BTD: variants seen among roughly 807,000 people sequenced by gnomAD.
BTD encodes biotinidase, also known as biocytinase.
In BTD, 13 loss-of-function variants were observed where a neutral mutation model predicts 17.7. The ratio of observed to expected loss-of-function variants is 0.74; its 90% confidence interval spans 0.48 to 1.17. The LOEUF (loss-of-function observed/expected upper bound fraction) is 1.17. Among genes scored for constraint, BTD ranks in the 50% most tolerant of loss-of-function variants. BTD has a pLI of 0.00. For missense variants in BTD, 674 were observed against 650.4 expected, an observed-to-expected ratio of 1.04 and a Z score of -0.39; for synonymous variants, 240 against 245.2, an observed-to-expected ratio of 0.98 and a Z score of 0.20.
downstream of BTD, among the ~76,000 whole-genome samples, chr3:15,654,574 A>G (rs994784848): frequency 2.0e-5 from 3 of 152,050 alleles, no homozygotes; most frequent in African/African-American, 7.2e-5. Context: ...TAAGCTTAAC[A>G]TTTTCTAATA....
chr3:15,691,995 C>A (rs1327282327), intron 3 of BTD, among the ~76,000 whole-genome samples: 1 of 151,818 alleles, frequency 6.6e-6, no homozygotes, highest in African/African-American at 2.4e-5. Context: ...AATAAATAAG[C>A]TGGACCTGGT....
chr3:15,644,656 T>C lies in BTD; in HGVS notation c.740T>C (p.Val247Ala), dbSNP rs1163399903. 6.2e-7 allele frequency: 1 copy of C among 1,614,194 alleles called. No homozygotes were observed. Among genetic ancestry groups the C allele is most frequent in the Non-Finnish European group, 8.5e-7 (1 of 1,180,028 alleles). ...VLRDYKVKHV[V>A]YPTAWMNQLP... Reference sequence around the variant, plus strand: ...AGAGACTACAAGGTGAAGCATGTTGTGTACCCAACTGCCTGGATGAACCAG... The same window carrying C: ...AGAGACTACAAGGTGAAGCATGTTGCGTACCCAACTGCCTGGATGAACCAG... The change falls in exon 4 of 4, where the codon GTG becomes GCG. Residue 247 changes from valine to alanine, a missense_variant. Transcript: ENST00000643237.
rs192158176 is a variant in BTD, at chr3:15,624,896, C to T, written c.-16-10528C>T. Among the ~76,000 whole-genome samples, 126 of 152,224 alleles carry T rather than the reference C, an allele frequency of 8.3e-4. 2 individuals carry two copies. The highest frequency in any genetic ancestry group is 5.9e-5 in the Non-Finnish European group (4 of 68,022). On this transcript the variant is annotated intron_variant, in intron 1 of 3. Transcript: ENST00000643237. ...TATAGGCGTGTGCCACCAAGCCTGG[C>T]CAATTTTTGTATTTTTAGTAAAGAC...
downstream of BTD, among the ~76,000 whole-genome samples, chr3:15,716,680 C>T (rs2073103094): frequency 6.6e-6 from 1 of 152,108 alleles, no homozygotes; most frequent in Non-Finnish European, 1.5e-5. Flanking sequence ...ACAACCCCCA[C>T]AACTCAAAAC....
downstream of BTD, chr3:15,714,614 C>T (rs761255992): frequency 5.0e-6 from 8 of 1,598,460 alleles, no homozygotes; most frequent in South Asian, 2.3e-5. Flanking sequence ...GAGAATCTAC[C>T]GTGGAGAGCA....
chr3:15,656,456 A>T (rs1033305641), downstream of BTD, among the ~76,000 whole-genome samples: 2 of 152,180 alleles, frequency 1.3e-5, no homozygotes, highest in African/African-American at 4.8e-5. Context: ...AGGGACACAG[A>T]GGTAGGGATT....
chr3:15,676,892 T>C, intron 3 of BTD: 1 of 1,148,418 alleles, frequency 8.7e-7, no homozygotes, highest in South Asian at 1.4e-5. Flanking sequence ...CCTATTCCAA[T>C]AGTCACATGT....
intron 1 of BTD, among the ~76,000 whole-genome samples, chr3:15,604,460 C>T (rs762147886): frequency 6.6e-6 from 1 of 152,224 alleles, no homozygotes; most frequent in Non-Finnish European, 1.5e-5. Flanking sequence ...ACCATTTTTC[C>T]TCCTAGGTTT....
At chr3:15,665,610 G>A (rs1438573900) in intron 3 of BTD, among the ~76,000 whole-genome samples, 1 of 152,004 alleles carries the variant, frequency 6.6e-6, no homozygotes, top group Non-Finnish European at 1.5e-5. Flanking sequence ...GCAACAAATC[G>A]GTTGGCATCA....
chr3:15,695,411 T>C (rs1415205602), intron 3 of BTD, among the ~76,000 whole-genome samples: 14 of 152,234 alleles, frequency 9.2e-5, no homozygotes, highest in African/African-American at 3.4e-4. Context: ...AATTTTGGTG[T>C]GAATATCCAT....
At chr3:15,662,344 C>A (rs761735604) in intron 3 of BTD, among the ~76,000 whole-genome samples, 35 of 152,034 alleles carry the variant, frequency 2.3e-4, no homozygotes, top group Non-Finnish European at 4.1e-4. Context: ...AAGTTTTATA[C>A]CTAAGTACTT....
intron 3 of BTD, among the ~76,000 whole-genome samples, chr3:15,698,923 G>C (rs1030795533): frequency 1.3e-5 from 2 of 152,104 alleles, no homozygotes; most frequent in African/African-American, 4.8e-5. Flanking sequence ...AAAAGAGCCC[G>C]CATTGCCAAG....
chr3:15,698,902 T>C (rs1052211323), intron 3 of BTD, among the ~76,000 whole-genome samples: 2 of 152,112 alleles, frequency 1.3e-5, no homozygotes, highest in African/African-American at 4.8e-5. Flanking sequence ...TTAAAGTTCA[T>C]ATGGAACCAA....
At chr3:15,710,554 T>A (rs1018496151) in exon 4 of BTD, among the ~76,000 whole-genome samples, 3 of 152,178 alleles carry the variant, frequency 2.0e-5, no homozygotes, top group Admixed American at 6.5e-5. Flanking sequence ...TCACTGAAAA[T>A]TTTTAAGAAA....
chr3:15,674,174 CAAAAAAAA>C (rs34806568), intron 3 of BTD, among the ~76,000 whole-genome samples: 5 of 40,286 alleles, frequency 1.2e-4, no homozygotes, highest in South Asian at 1.6e-3. Context: ...CCTGCCTCTT[CAAAAAAAA>C]AAAAAAAAAA....
At chr3:15,643,510 A>G (rs2125494880) in intron 3 of BTD, among the ~76,000 whole-genome samples, 1 of 152,248 alleles carries the variant, frequency 6.6e-6, no homozygotes, top group African/African-American at 2.4e-5. Context: ...CAAAAAAAAA[A>G]GAAAAAGAAG....
At chr3:15,687,201 C>T (rs962823004) in intron 3 of BTD, among the ~76,000 whole-genome samples, 2 of 152,070 alleles carry the variant, frequency 1.3e-5, no homozygotes, top group Non-Finnish European at 2.9e-5. Context: ...CCTCGGCCTC[C>T]CAAAGTGCTG....
chr3:15,674,861 T>G (rs995439126), intron 3 of BTD, among the ~76,000 whole-genome samples: 1 of 152,068 alleles, frequency 6.6e-6, no homozygotes, highest in Non-Finnish European at 1.5e-5. Context: ...TCAAGTAAAA[T>G]GAGAGCTAAG....
chr3:15,707,459 A>G (rs149846123), intron 3 of BTD, among the ~76,000 whole-genome samples: 1 of 152,304 alleles, frequency 6.6e-6, no homozygotes, highest in African/African-American at 2.4e-5. Context: ...TGCCAGTTCA[A>G]TTACTACCTT....
Sources: allele counts gnomAD v4.1 joint callset (sites outside exome capture counted in the v4.1 genomes callset), GRCh38; gene constraint gnomAD v4.1.1; transcripts MANE v1.5; gene names NCBI Gene and HGNC (gene_info 2026-07-23, HGNC 2026-07-21).